Variants in PIK3C2A observed in about 807,000 individuals in gnomAD.
The protein encoded by PIK3C2A is phosphatidylinositol-4-phosphate 3-kinase catalytic subunit type 2 alpha, also known as phosphatidylinositol 4-phosphate 3-kinase C2 domain-containing subunit alpha.
PIK3C2A carries 97 observed loss-of-function variants against 204.5 expected under a neutral mutation model. The observed-to-expected ratio is 0.47, with a 90% CI of 0.40 to 0.56. The LOEUF (loss-of-function observed/expected upper bound fraction) is 0.56. Ranked by LOEUF, PIK3C2A falls within the 20% of genes least tolerant of loss-of-function variation. The probability of loss-of-function intolerance (pLI) is 0.00; values close to 1 mark genes in which losing one functional copy is unlikely to be tolerated. For synonymous variants in PIK3C2A, 653 were observed against 664.4 expected (o/e 0.98, Z 0.26); for missense variants, 1,735 against 1,969.2 (o/e 0.88, Z 2.25).
Position 17,136,634 on chromosome 11 carries a change from AT to A in PIK3C2A, c.1705-10del. ...ACTGCTCGGTGTTGGTTCTTTAAAA[AT>A]AAAAAATAAAATAAAAATAGGTAGG... On this transcript the variant is annotated splice_polypyrimidine_tract_variant and intron_variant, in intron 8 of 32. Coordinates refer to ENST00000691414, the MANE Select transcript of PIK3C2A (RefSeq NM_002645.4). 6.7e-7 allele frequency: 1 copy of A among 1,491,492 alleles called. No individual in the cohort carries two copies. Among genetic ancestry groups the A allele is most frequent in the Non-Finnish European group, 9.1e-7 (1 of 1,101,848 alleles). The allele number at this position is 1,491,492 out of a possible 1,614,324, so 92.4% of individuals were successfully genotyped here. A position where few individuals can be genotyped will look rare whatever the true frequency, so the allele number is the denominator to read the frequency against.
chr11:17,172,824 T>C (rs1851221694), intron 1 of PIK3C2A, among the ~76,000 whole-genome samples: 1 of 152,232 alleles, frequency 6.6e-6, no homozygotes, highest in Admixed American at 6.5e-5. Context: ...ATTACCTCCT[T>C]TGCATTGTTA....
At chr11:17,141,862 G>A (rs745414140) in intron 8 of PIK3C2A, among the ~76,000 whole-genome samples, 110 of 152,324 alleles carry the variant, frequency 7.2e-4, no homozygotes, top group Non-Finnish European at 1.1e-3. Context: ...TTTCAAGGTG[G>A]AGCTGACCAG....
intron 8 of PIK3C2A, chr11:17,138,300 C>G: frequency 1.7e-6 from 1 of 604,246 alleles, no homozygotes. Flanking sequence ...CCAAATGCCC[C>G]GGAAGACGAA....
intron 6 of PIK3C2A, among the ~76,000 whole-genome samples, chr11:17,146,635 C>T (rs973665601): frequency 6.6e-6 from 1 of 151,430 alleles, no homozygotes; most frequent in South Asian, 2.1e-4. Flanking sequence ...GCATGAGAAT[C>T]GCTTGAGGGT....
intron 12 of PIK3C2A, among the ~76,000 whole-genome samples, chr11:17,131,356 A>G (rs1273072652): frequency 1.3e-5 from 2 of 152,092 alleles, no homozygotes; most frequent in Admixed American, 6.6e-5. Context: ...TTAACTTGAC[A>G]AAGTCTAAAA....
At chr11:17,146,981 G>A (rs1850264243) in intron 6 of PIK3C2A, among the ~76,000 whole-genome samples, 1 of 152,058 alleles carries the variant, frequency 6.6e-6, no homozygotes, top group South Asian at 2.1e-4. Flanking sequence ...AAGGGTTCAC[G>A]CAGTAAAACA....
chr11:17,198,090 C>T (rs1241482558), intron 1 of PIK3C2A, among the ~76,000 whole-genome samples: 2 of 148,308 alleles, frequency 1.3e-5, no homozygotes, highest in Non-Finnish European at 3.0e-5. Flanking sequence ...AAATATCAGA[C>T]TTCCCTCTTA....
At chr11:17,143,721 G>C (rs1206358935) in intron 8 of PIK3C2A, among the ~76,000 whole-genome samples, 1 of 151,614 alleles carries the variant, frequency 6.6e-6, no homozygotes. Context: ...TGGATCACTT[G>C]AGGTCAGGAG....
At chr11:17,129,028 A>G (rs1353580483) in intron 13 of PIK3C2A, among the ~76,000 whole-genome samples, 3 of 152,256 alleles carry the variant, frequency 2.0e-5, no homozygotes, top group Non-Finnish European at 2.9e-5. Context: ...TACTTTATAT[A>G]AACGACAGTC....
At chr11:17,133,654 G>T (rs534445840) in intron 11 of PIK3C2A, among the ~76,000 whole-genome samples, 90 of 152,226 alleles carry the variant, frequency 5.9e-4, no homozygotes, top group African/African-American at 2.1e-3. Flanking sequence ...GCGGCTGGGT[G>T]TGGTGACTCA....
In PIK3C2A at chr11:17,091,416, T is replaced by A; in HGVS notation, c.4796A>T (p.Tyr1599Phe). ...GADPNPYVKT[Y>F]LLPDNHKTSK... ...TGTTTTGTGGTTATCTGGAAGTAGG[T>A]ATGTTTTGACATATGGATTTGGGTC... The change falls in exon 32 of 33, where the codon TAC becomes TTC. Residue 1599 changes from tyrosine (Y) to phenylalanine (F), a missense_variant. By Grantham distance (22) the Tyr-to-Phe change is conservative. Coordinates refer to ENST00000691414, the MANE Select transcript of PIK3C2A (RefSeq NM_002645.4). 1 of 1,613,882 alleles carries A rather than the reference T, an allele frequency of 6.2e-7. No individual in the cohort carries two copies. Among genetic ancestry groups the A allele is most frequent in the South Asian group, 1.1e-5 (1 of 91,040 alleles).
intron 17 of PIK3C2A, among the ~76,000 whole-genome samples, chr11:17,118,994 T>A (rs933371235): frequency 2.0e-5 from 3 of 152,194 alleles, no homozygotes; most frequent in African/African-American, 7.2e-5. Context: ...TCTGGTTTGT[T>A]CTAAAAAGTC....
chr11:17,205,919 G>A (rs1371074358), intron 1 of PIK3C2A, among the ~76,000 whole-genome samples: 6 of 152,132 alleles, frequency 3.9e-5, no homozygotes, highest in African/African-American at 9.7e-5. Flanking sequence ...TCAGGAGTTC[G>A]AGACTAGCCT....
In PIK3C2A at chr11:17,110,456, A is replaced by T. The variant is rs777700839; in HGVS notation, c.3520T>A (p.Cys1174Ser). The change falls in exon 22 of 33, where the codon TGT becomes AGT. Residue 1174 changes from cysteine (C) to serine (S), a missense_variant. Coordinates refer to ENST00000691414, the MANE Select transcript of PIK3C2A (RefSeq NM_002645.4). ...CCTCGATCTCTGCCAGTTGAGAGAC[A>T]TTTGAAAATTACCATCCTCAGATCT... ...GLDLRMVIFKCLSTGRDRGMV... is the reference protein window; with the variant it reads ...GLDLRMVIFKSLSTGRDRGMV... 18 of 1,611,618 alleles carry T rather than the reference A, an allele frequency of 1.1e-5. No homozygotes were observed. Among genetic ancestry groups the T allele is most frequent in the Non-Finnish European group, 1.5e-5 (18 of 1,178,758 alleles).
chr11:17,152,607 A>G (rs542249503), intron 3 of PIK3C2A, among the ~76,000 whole-genome samples: 1 of 152,314 alleles, frequency 6.6e-6, no homozygotes, highest in South Asian at 2.1e-4. Context: ...AACTATCTAT[A>G]AAGAGTATTT....
intron 8 of PIK3C2A, among the ~76,000 whole-genome samples, chr11:17,142,246 G>T (rs1042397656): frequency 1.3e-5 from 2 of 152,132 alleles, no homozygotes; most frequent in African/African-American, 4.8e-5. Context: ...TGTGGAAAAG[G>T]TTAAGGTTAG....
chr11:17,102,902 A>T, intron 23 of PIK3C2A, 71 bp from the exon 24 acceptor site: 1 of 964,558 alleles, frequency 1.0e-6, no homozygotes, highest in Admixed American at 2.5e-5. Flanking sequence ...ATAAATAGTA[A>T]AGTAATTTAT....
At chr11:17,114,613 T>C in intron 19 of PIK3C2A, 148 bp from the exon 20 acceptor site, 1 of 500,658 alleles carries the variant, frequency 2.0e-6, no homozygotes, top group East Asian at 2.9e-5. Context: ...ATTTTTACTA[T>C]AAAACTAGAA....
intron 1 of PIK3C2A, among the ~76,000 whole-genome samples, chr11:17,184,469 A>T (rs1851684892): frequency 6.6e-6 from 1 of 152,112 alleles, no homozygotes; most frequent in Non-Finnish European, 1.5e-5. Flanking sequence ...GTAAAAAAAA[A>T]TTTAAAATTT....
Sources: gnomAD v4.1 joint callset for allele counts (sites outside exome capture counted in the v4.1 genomes callset) on GRCh38, gnomAD v4.1.1 for gene constraint, MANE v1.5 for transcripts, NCBI Gene and HGNC (gene_info 2026-07-23, HGNC 2026-07-21) for gene names.